KANSL1: variants seen among roughly 807,000 people sequenced by gnomAD.
KANSL1 encodes the protein KAT8 regulatory NSL complex subunit 1.
A neutral mutation model predicts 103.6 loss-of-function variants in KANSL1; 22 were observed. The observed-to-expected ratio is 0.21, with a 90% confidence interval of 0.15 to 0.30. KANSL1 has a LOEUF of 0.30. Ranked by LOEUF, KANSL1 falls within the 10% of genes least tolerant of loss-of-function variation. The pLI, the probability that KANSL1 is intolerant of heterozygous loss-of-function variation, is 1.00. For missense variants in KANSL1, 1,337 were observed against 1,399.8 expected (o/e 0.96, Z 0.72); for synonymous variants, 600 against 527.6 (o/e 1.14, Z -1.88).
At chr17:46,103,588 A>G (rs17660595) in intron 2 of KANSL1, among the ~76,000 whole-genome samples, 21,698 of 152,062 alleles carry the variant, frequency 0.14, 2,127 homozygotes, top group Non-Finnish European at 0.22. Flanking sequence ...TTAATACATC[A>G]CAAGCTCGTA....
chr17:46,062,114 CAAACA>C (rs2078189342), intron 6 of KANSL1, among the ~76,000 whole-genome samples: 3 of 37,126 alleles, frequency 8.1e-5, no homozygotes, highest in Non-Finnish European at 1.9e-4. Flanking sequence ...AAAAAACAAA[CAAACA>C]AAAAAAAAAA....
intron 2 of KANSL1, among the ~76,000 whole-genome samples, chr17:46,110,997 G>GA (rs778034472): frequency 6.6e-6 from 1 of 152,166 alleles, no homozygotes; most frequent in Non-Finnish European, 1.5e-5. Flanking sequence ...AAACTATAGT[G>GA]AAACAAATAA....
intron 1 of KANSL1, among the ~76,000 whole-genome samples, chr17:46,205,372 C>T (rs1277574096): frequency 8.8e-6 from 1 of 113,532 alleles, no homozygotes; most frequent in Non-Finnish European, 2.4e-5. Flanking sequence ...ACAATAGCAT[C>T]CCCCCGCCAA....
chr17:46,167,570 C>T (rs569885988), intron 2 of KANSL1, among the ~76,000 whole-genome samples: 1 of 152,098 alleles, frequency 6.6e-6, no homozygotes, highest in East Asian at 1.9e-4. Context: ...TTCCACTGTA[C>T]CAAGAAAGGA....
intron 6 of KANSL1, among the ~76,000 whole-genome samples, chr17:46,050,995 G>C (rs2077693304): frequency 6.6e-6 from 1 of 152,174 alleles, no homozygotes; most frequent in South Asian, 2.1e-4. Flanking sequence ...ACTTCTGACA[G>C]TTTAAAAAGA....
Position 46,174,188 on chromosome 17 carries a change from A to G in KANSL1, c.-89-1956T>C, listed in dbSNP as rs563534171. Among the ~76,000 whole-genome samples the G allele has an allele frequency of 5.9e-5, 9 of 151,920 alleles. No individual in the cohort carries two copies. The East Asian group carries it at 7.7e-4, about 13-fold the overall frequency. On this transcript the variant is annotated intron_variant, in intron 1 of 14. Coordinates refer to ENST00000432791, the MANE Select transcript of KANSL1 (RefSeq NM_015443.4). ...CCAATATTTTATTTGGTGGGTGTGG[A>G]TGTGTGTGTGTGTGTTTAACAGAGT...
intron 1 of KANSL1, among the ~76,000 whole-genome samples, chr17:46,213,640 G>T (rs1459246214): frequency 6.6e-6 from 1 of 151,728 alleles, no homozygotes; most frequent in Non-Finnish European, 1.5e-5. Context: ...AACTAGGCGG[G>T]GTGCAGTGGC....
At chr17:46,116,461 C>T (rs553519160) in intron 2 of KANSL1, among the ~76,000 whole-genome samples, 2 of 152,166 alleles carry the variant, frequency 1.3e-5, no homozygotes, top group Admixed American at 6.5e-5. Context: ...ACTCGGGACA[C>T]GGAGCTTGCA....
At chr17:46,094,756 A>AT in intron 2 of KANSL1, 55 bp from the exon 3 acceptor site, 7 of 1,599,498 alleles carry the variant, frequency 4.4e-6, no homozygotes, top group Non-Finnish European at 5.1e-6. Context: ...TCTATACCAG[A>AT]TTGGGGGGTG....
At chr17:46,060,977 A>C (rs964205332) in intron 6 of KANSL1, among the ~76,000 whole-genome samples, 2 of 152,098 alleles carry the variant, frequency 1.3e-5, no homozygotes, top group South Asian at 2.1e-4. Flanking sequence ...GTACACTGCC[A>C]ATTTGTTAGG....
intron 1 of KANSL1, among the ~76,000 whole-genome samples, chr17:46,210,397 C>T (rs377687214): frequency 5.7e-5 from 8 of 140,840 alleles, no homozygotes; most frequent in African/African-American, 1.3e-4. Flanking sequence ...CGCTTGAACC[C>T]GGGAGGCGGA....
At chr17:46,140,794 T>C (rs1469528159) in intron 2 of KANSL1, among the ~76,000 whole-genome samples, 1 of 152,180 alleles carries the variant, frequency 6.6e-6, no homozygotes, top group East Asian at 1.9e-4. Flanking sequence ...TCATTAGCCA[T>C]TAGAGAAATT....
chr17:46,132,108 A>T (rs112401617), intron 2 of KANSL1, among the ~76,000 whole-genome samples: 21,600 of 151,768 alleles, frequency 0.14, 2,123 homozygotes, highest in Non-Finnish European at 0.22. Context: ...GCCTGGGCCA[A>T]AACAGCAAAA....
chr17:46,186,799 G>A (rs1037564115), intron 1 of KANSL1, among the ~76,000 whole-genome samples: 1 of 152,132 alleles, frequency 6.6e-6, no homozygotes, highest in Non-Finnish European at 1.5e-5. Flanking sequence ...TGCGATCTCG[G>A]CTCACTACAA....
chr17:46,081,053 T>C (rs940524826), intron 4 of KANSL1, among the ~76,000 whole-genome samples: 3 of 152,100 alleles, frequency 2.0e-5, no homozygotes, highest in Admixed American at 1.3e-4. Context: ...AGTGTGTGTG[T>C]ACAAGTGAAT....
intron 2 of KANSL1, chr17:46,148,365 TG>T (rs1366964910): frequency 6.6e-6 from 1 of 152,236 alleles, no homozygotes; most frequent in East Asian, 1.9e-4. Context: ...AATTTTAATA[TG>T]TTCACATATA....
chr17:46,124,792 A>G (rs980232753), intron 2 of KANSL1, among the ~76,000 whole-genome samples: 5 of 152,002 alleles, frequency 3.3e-5, no homozygotes, highest in African/African-American at 1.2e-4. Context: ...ACACAGCAAG[A>G]TAACCAGAAT....
At chr17:46,095,918 T>G (rs2042041500) in intron 2 of KANSL1, among the ~76,000 whole-genome samples, 1 of 152,108 alleles carries the variant, frequency 6.6e-6, no homozygotes, top group African/African-American at 2.4e-5. Flanking sequence ...TCGTTAAAAT[T>G]TGGTTAAAAT....
chr17:46,073,073 C>T (rs947428688), intron 4 of KANSL1, among the ~76,000 whole-genome samples: 1 of 152,158 alleles, frequency 6.6e-6, no homozygotes, highest in Admixed American at 6.5e-5. Context: ...CCTTCTATCC[C>T]AAAACCCTTG....
Sources: allele counts gnomAD v4.1 joint callset (sites outside exome capture counted in the v4.1 genomes callset), GRCh38; gene constraint gnomAD v4.1.1; transcripts MANE v1.5; gene names NCBI Gene and HGNC (gene_info 2026-07-23, HGNC 2026-07-21).